UNC13C: variants seen among roughly 807,000 people sequenced by gnomAD.
The protein encoded by UNC13C is unc-13 homolog C.
Under a neutral mutation model 245.4 loss-of-function variants are expected in UNC13C, and 174 were observed. The observed-to-expected ratio is 0.71, with a 90% CI of 0.63 to 0.80. UNC13C has a LOEUF of 0.80. Among genes scored for constraint, UNC13C ranks in the 30% least tolerant of loss-of-function variants. The probability of loss-of-function intolerance (pLI) is 0.00; values close to 1 mark genes in which losing one functional copy is unlikely to be tolerated. For missense variants in UNC13C, 2,829 were observed against 2,602.9 expected (o/e 1.09, Z -1.89); for synonymous variants, 992 against 895.1 (o/e 1.11, Z -1.93).
chr15:54,171,734 C>T (rs1311595125), intron 4 of UNC13C, among the ~76,000 whole-genome samples: 1 of 152,068 alleles, frequency 6.6e-6, no homozygotes, highest in Non-Finnish European at 1.5e-5. Flanking sequence ...ACCGTATGAT[C>T]CAGCAATCCC....
chr15:54,015,311 G>C lies in UNC13C; in HGVS notation c.2408G>C (p.Arg803Thr), dbSNP rs754165052. 4.3e-5 allele frequency: 70 copies of C among 1,613,650 alleles called. 1 individual carries two copies. The East Asian group carries it at 1.5e-3, about 35-fold the overall frequency. Residue 803 changes from arginine (R) to threonine (T), a missense_variant, in exon 2 of 33, where the codon AGG (arginine) becomes ACG (threonine). Arg to Thr is a moderately conservative substitution (Grantham distance 71). Coordinates refer to ENST00000260323, the MANE Select transcript of UNC13C (RefSeq NM_001080534.3). ...CCAAAATTTGGATCTACACTGCAGA[G>C]GGCTAAATCAGCCTTGGAAGTAGTA... ...SFPKFGSTLQ[R>T]AKSALEVVWN...
chr15:54,143,734 G>C lies in UNC13C; in HGVS notation c.3071+50G>C, dbSNP rs2032132081. On this transcript the variant is annotated intron_variant, in intron 4 of 32. Coordinates refer to ENST00000260323, the MANE Select transcript of UNC13C (RefSeq NM_001080534.3). ...TTTATTCCATTCATAGATGGCACTT[G>C]GCTGTGTTCTCAACATATATGCTTT... 3 of 1,449,542 alleles carry C rather than the reference G, an allele frequency of 2.1e-6. No homozygotes were observed. The African/African-American group carries it at 4.2e-5, about 20-fold the overall frequency. The allele number at this position is 1,449,542 out of a possible 1,614,324, so 89.8% of individuals were successfully genotyped here.
chr15:53,918,703 G>A, the UNC13C span, among the ~76,000 whole-genome samples: 4 of 152,198 alleles, frequency 2.6e-5, no homozygotes, highest in Non-Finnish European at 2.9e-5. Context: ...TCAGAAATGG[G>A]CTGTTTTCCA....
At chr15:54,052,496 A>C (rs1020673592) in intron 2 of UNC13C, among the ~76,000 whole-genome samples, 3 of 152,006 alleles carry the variant, frequency 2.0e-5, no homozygotes, top group African/African-American at 7.2e-5. Context: ...TTTGATTTGC[A>C]TTTCTCTGAT....
At chr15:54,329,387 A>G (rs141692331) in intron 14 of UNC13C, among the ~76,000 whole-genome samples, 109 of 151,996 alleles carry the variant, frequency 7.2e-4, no homozygotes, top group African/African-American at 2.5e-3. Flanking sequence ...ATTCCTTGTA[A>G]CTGTATTTTT....
At chr15:53,956,304 C>G in the UNC13C span, among the ~76,000 whole-genome samples, 5 of 152,192 alleles carry the variant, frequency 3.3e-5, no homozygotes, top group Non-Finnish European at 7.4e-5. Context: ...CAAAGCTACA[C>G]GTGTACCACC....
At chr15:54,409,383 A>C (rs1203449684) in intron 18 of UNC13C, among the ~76,000 whole-genome samples, 1 of 150,998 alleles carries the variant, frequency 6.6e-6, no homozygotes, top group Non-Finnish European at 1.5e-5. Flanking sequence ...TTTCTTTCCA[A>C]CTTTTATGTG....
At chr15:54,101,617 A>T (rs1374779008) in intron 2 of UNC13C, among the ~76,000 whole-genome samples, 1 of 151,560 alleles carries the variant, frequency 6.6e-6, no homozygotes, top group Non-Finnish European at 1.5e-5. Flanking sequence ...ATCTTGCTCC[A>T]TTGCCCAGGC....
chr15:54,197,867 G>A (rs940219293), intron 4 of UNC13C, among the ~76,000 whole-genome samples: 8 of 152,106 alleles, frequency 5.3e-5, no homozygotes, highest in African/African-American at 1.7e-4. Flanking sequence ...GGCTCCCTGA[G>A]ACACCAAAAA....
At chr15:54,436,011 A>G (rs1388024958) in intron 19 of UNC13C, among the ~76,000 whole-genome samples, 5 of 152,084 alleles carry the variant, frequency 3.3e-5, no homozygotes, top group African/African-American at 1.2e-4. Flanking sequence ...CATTAAAGAA[A>G]TGCAAATAAA....
chr15:54,250,819 C>T (rs575059225), intron 8 of UNC13C, among the ~76,000 whole-genome samples: 43 of 138,068 alleles, frequency 3.1e-4, no homozygotes, highest in Middle Eastern at 4.5e-3. Flanking sequence ...TGCAGTGGCA[C>T]GATCTCAACT....
chr15:54,317,194 A>T (rs1039073162), intron 13 of UNC13C, among the ~76,000 whole-genome samples: 1 of 152,006 alleles, frequency 6.6e-6, no homozygotes, highest in African/African-American at 2.4e-5. Flanking sequence ...AGAGAAGCTT[A>T]AAGTGTGAAT....
chr15:54,393,080 G>A lies in UNC13C; in HGVS notation c.4746G>A (p.Gln1582=), dbSNP rs767268541. The A allele has an allele frequency of 6.2e-7, 1 of 1,608,962 alleles. No homozygotes were observed. The highest frequency in any genetic ancestry group is 1.3e-5 in the African/African-American group (1 of 74,502). Residue 1582 remains glutamine (Q), a synonymous_variant, in exon 18 of 33, where the codon CAG becomes CAA. Coordinates refer to ENST00000260323, the MANE Select transcript of UNC13C (RefSeq NM_001080534.3). ...SKKQDIPRED[Q]GPTTKNLDFW... ...AACAGGATATTCCTCGTGAAGATCAGGGACCAACCACCAAGAATTTGGATT... is the reference window on the plus strand; with the variant it reads ...AACAGGATATTCCTCGTGAAGATCAAGGACCAACCACCAAGAATTTGGATT...
At chr15:53,881,887 CT>C in the UNC13C span, among the ~76,000 whole-genome samples, 2 of 152,130 alleles carry the variant, frequency 1.3e-5, no homozygotes, top group African/African-American at 4.8e-5. Context: ...CACATGATTA[CT>C]TTCACATTAA....
the UNC13C span, among the ~76,000 whole-genome samples, chr15:53,956,705 A>C: frequency 6.6e-6 from 1 of 151,644 alleles, no homozygotes; most frequent in Non-Finnish European, 1.5e-5. Context: ...CTAAGCAGGG[A>C]ATGATTGTGT....
chr15:54,474,215 T>C (rs1231731044), intron 19 of UNC13C, among the ~76,000 whole-genome samples: 2 of 151,986 alleles, frequency 1.3e-5, no homozygotes, highest in Non-Finnish European at 2.9e-5. Flanking sequence ...CCAGAACATA[T>C]GGTAGTCTTA....
chr15:54,173,633 A>G (rs758284560), intron 4 of UNC13C, among the ~76,000 whole-genome samples: 1 of 152,036 alleles, frequency 6.6e-6, no homozygotes, highest in South Asian at 2.1e-4. Context: ...AGGAGTTTCT[A>G]TGTATATGCC....
chr15:53,866,511 G>A, the UNC13C span, among the ~76,000 whole-genome samples: 1 of 152,134 alleles, frequency 6.6e-6, no homozygotes, highest in African/African-American at 2.4e-5. Flanking sequence ...TTTAAAATGT[G>A]GCTTAGATAA....
the UNC13C span, among the ~76,000 whole-genome samples, chr15:53,862,658 T>C: frequency 6.6e-6 from 1 of 152,168 alleles, no homozygotes; most frequent in Admixed American, 6.5e-5. Flanking sequence ...TAGTAAAAGG[T>C]TAGTGGAAAC....
Sources: allele counts gnomAD v4.1 joint callset (sites outside exome capture counted in the v4.1 genomes callset), GRCh38; gene constraint gnomAD v4.1.1; transcripts MANE v1.5; gene names NCBI Gene and HGNC (gene_info 2026-07-23, HGNC 2026-07-21).